Variants in CFAP46 observed in about 807,000 individuals in gnomAD.
The protein encoded by CFAP46 is cilia- and flagella-associated protein 46.
CFAP46 carries 245 observed loss-of-function variants against 325.7 expected under a neutral mutation model. The ratio of observed to expected loss-of-function variants is 0.75; its 90% CI spans 0.68 to 0.84. The LOEUF is 0.84. CFAP46 is among the 40% of genes least tolerant of loss of function. The pLI is 0.00. For missense variants in CFAP46, 3,346 were observed against 3,543.0 expected, an observed-to-expected ratio of 0.94 and a Z score of 1.41; for synonymous variants, 1,523 against 1,495.9, an observed-to-expected ratio of 1.02 and a Z score of -0.42.
chr10:132,861,765 G>T (rs537364686), intron 35 of CFAP46, among the ~76,000 whole-genome samples: 1 of 152,326 alleles, frequency 6.6e-6, no homozygotes, highest in South Asian at 2.1e-4. Flanking sequence ...CTGTTCCCAT[G>T]TATCACTTTC....
At chr10:132,878,392 C>G (rs934951689) in intron 29 of CFAP46, among the ~76,000 whole-genome samples, 3 of 152,308 alleles carry the variant, frequency 2.0e-5, no homozygotes, top group African/African-American at 7.2e-5. Flanking sequence ...CTGGGGCTCC[C>G]TGCTGGCCAT....
intron 22 of CFAP46, among the ~76,000 whole-genome samples, chr10:132,901,318 T>G (rs1849389070): frequency 6.6e-6 from 1 of 152,282 alleles, no homozygotes; most frequent in African/African-American, 2.4e-5. Flanking sequence ...ATTTGGTCCT[T>G]GCTTTCCTTT....
intron 11 of CFAP46, 33 bp downstream of exon 11, chr10:132,924,663 C>T (rs1052539171): frequency 9.0e-6 from 13 of 1,441,540 alleles, no homozygotes; most frequent in Non-Finnish European, 8.2e-6. Flanking sequence ...GCCACGCCCT[C>T]TGTGGAGGAC....
chr10:132,846,088 C>A lies in CFAP46; in HGVS notation c.6407G>T (p.Arg2136Leu). Residue 2136 changes from arginine to leucine, a missense_variant, in exon 44 of 58, where the codon CGT becomes CTT. By Grantham distance (102) the Arg-to-Leu change is moderately radical (BLOSUM62 -2). Coordinates refer to ENST00000368586, the MANE Select transcript of CFAP46 (RefSeq NM_001200049.3). ...CACGGCGGCCAGCCTCTGCTCCACA[C>A]GGGCGCCCAGGCTGGTGGTGGTCCT... The part of the protein sequence containing the change: ...QDRTTTSLGA[R>L]VEQRLAAVSK... 4 of 1,599,656 alleles carry A rather than the reference C, an allele frequency of 2.5e-6. No homozygotes were observed. The highest frequency in any genetic ancestry group is 3.4e-6 in the Non-Finnish European group (4 of 1,177,558).
At chr10:132,930,408 G>A (rs1416168684) in intron 8 of CFAP46, among the ~76,000 whole-genome samples, 1 of 143,140 alleles carries the variant, frequency 7.0e-6, no homozygotes, top group Non-Finnish European at 1.5e-5. Flanking sequence ...TCCACACAGA[G>A]CCTGAGCCTT....
intron 44 of CFAP46, among the ~76,000 whole-genome samples, chr10:132,840,148 A>G (rs1349265151): frequency 1.3e-5 from 2 of 152,170 alleles, no homozygotes; most frequent in African/African-American, 4.8e-5. Flanking sequence ...TCTTTAACAG[A>G]CACCGAATCA....
intron 22 of CFAP46, among the ~76,000 whole-genome samples, chr10:132,902,210 C>T (rs1849400497): frequency 6.7e-6 from 1 of 150,154 alleles, no homozygotes. Flanking sequence ...CCTGCTGCCT[C>T]TGTCCTCCTG....
chr10:132,897,450 C>G (rs1483731657), intron 24 of CFAP46, among the ~76,000 whole-genome samples: 1 of 152,238 alleles, frequency 6.6e-6, no homozygotes, highest in African/African-American at 2.4e-5. Context: ...GCTCTCCCTT[C>G]ACAGGCCCCG....
At position 132,853,814 on chromosome 10, in the gene CFAP46, AT is replaced by A. The variant is rs376550053; in HGVS notation, c.5575-2510del. On this transcript the variant is annotated intron_variant, in intron 39 of 57. Coordinates refer to ENST00000368586, the MANE Select transcript of CFAP46 (RefSeq NM_001200049.3). ...ATATTAGCATAAAGTTGTTTGTAAT[AT>A]GATTCCCTTATCCTTTCAATATCTG... Among the ~76,000 whole-genome samples, 1,408 of 152,338 alleles carry A rather than the reference AT, an allele frequency of 9.2e-3. 12 individuals are homozygous for A. The highest frequency in any genetic ancestry group is 0.043 in the South Asian group (210 of 4,828).
intron 50 of CFAP46, among the ~76,000 whole-genome samples, chr10:132,823,680 GTGC>G (rs1309338844): frequency 1.3e-3 from 166 of 124,602 alleles, no homozygotes; most frequent in African/African-American, 5.0e-3. Context: ...TGTGTGCTGT[GTGC>G]TGATGTGTGC....
rs12774567 is a variant in CFAP46 at position 132,843,536 on chromosome 10, A to G, written c.6438+2521T>C. Among the ~76,000 whole-genome samples, 52 of 82,348 alleles carry G rather than the reference A, an allele frequency of 6.3e-4. 1 individual carries two copies. The highest frequency in any genetic ancestry group is 1.5e-3 in the African/African-American group (31 of 20,240). The allele number at this position is 82,348 out of a possible 152,430, so 54.0% of individuals were successfully genotyped here. On this transcript the variant is annotated intron_variant, in intron 44 of 57. Transcript: ENST00000368586. The stretch of plus-strand genomic sequence containing the variant: ...TGGTGGGCGTTCCCAGGGTGCTGTA[A>G]GGCTCTGGTCTCGGTGGGTGTTCCC...
chr10:132,898,521 A>C, intron 24 of CFAP46: 1 of 306,464 alleles, frequency 3.3e-6, no homozygotes, highest in Non-Finnish European at 6.4e-6. Context: ...ACTCCCCGCC[A>C]CCCCACTCTG....
Position 132,885,396 on chromosome 10 carries a change from C to T in CFAP46, c.3444-110G>A, listed in dbSNP as rs530145008. On this transcript the variant is annotated intron_variant, in intron 26 of 57. Coordinates refer to ENST00000368586, the MANE Select transcript of CFAP46 (RefSeq NM_001200049.3). ...CCACCTCCAGCTTAAAAAGACGAAG[C>T]AAAGCAGAGCCCAGGTGAGCGGGGG... 145 of 1,114,276 alleles carry T rather than the reference C, an allele frequency of 1.3e-4. No individual in the cohort carries two copies. In the East Asian group the frequency reaches 3.9e-3, roughly 30 times the overall value. 69.0% of individuals were successfully genotyped at this position (1,114,276 alleles called of 1,614,324 possible).
intron 22 of CFAP46, among the ~76,000 whole-genome samples, chr10:132,907,008 C>T (rs192648300): frequency 2.0e-3 from 307 of 152,360 alleles, no homozygotes; most frequent in African/African-American, 7.1e-3. Context: ...TGGAAGTTGC[C>T]GACGTGAAAG....
At chr10:132,862,850 C>T (rs1194715602) in intron 35 of CFAP46, among the ~76,000 whole-genome samples, 1 of 30,476 alleles carries the variant, frequency 3.3e-5, no homozygotes, top group Non-Finnish European at 6.3e-5. Context: ...TGAGGAGGGG[C>T]GGGAGGGGAG....
intron 50 of CFAP46, among the ~76,000 whole-genome samples, chr10:132,824,998 CTGA>C (rs1484177149): frequency 2.3e-4 from 27 of 117,786 alleles, no homozygotes; most frequent in African/African-American, 6.4e-4. Flanking sequence ...GCTGTGTGTG[CTGA>C]TGTGTGCTGA....
At chr10:132,857,866 A>C (rs559112161) in intron 38 of CFAP46, 78 bp from the exon 39 acceptor site, 1 of 1,225,248 alleles carries the variant, frequency 8.2e-7, no homozygotes, top group South Asian at 1.6e-5. Context: ...TTTCTATCAT[A>C]CTGTATATTT....
chr10:132,864,863 C>T (rs1276307549), intron 35 of CFAP46, among the ~76,000 whole-genome samples: 3 of 133,298 alleles, frequency 2.3e-5, no homozygotes, highest in Non-Finnish European at 5.2e-5. Context: ...GAGACCTGCA[C>T]ACACCTGTCC....
intron 11 of CFAP46, among the ~76,000 whole-genome samples, chr10:132,923,917 A>T (rs1329491519): frequency 6.6e-6 from 1 of 152,148 alleles, no homozygotes; most frequent in Non-Finnish European, 1.5e-5. Context: ...GAGAAAACTA[A>T]ATAGAACTCT....
Sources: allele counts gnomAD v4.1 joint callset (sites outside exome capture counted in the v4.1 genomes callset), GRCh38; gene constraint gnomAD v4.1.1; transcripts MANE v1.5; gene names NCBI Gene and HGNC (gene_info 2026-07-23, HGNC 2026-07-21).